The following LARGE1 variants were observed in gnomAD, a reference collection of about 807,000 sequenced individuals.
LARGE1 encodes the protein xylosyl- and glucuronyltransferase LARGE1.
A neutral mutation model predicts 87.6 loss-of-function variants in LARGE1; 43 were observed. That is an observed-to-expected ratio of 0.49 (90% CI 0.38 to 0.63). The LOEUF is 0.63. Ranked by LOEUF, LARGE1 falls within the 30% of genes least tolerant of loss-of-function variation. LARGE1 has a pLI of 0.00. For synonymous variants in LARGE1, 434 were observed against 394.6 expected, an observed-to-expected ratio of 1.10 and a Z score of -1.18; for missense variants, 802 against 1,000.2, an observed-to-expected ratio of 0.80 and a Z score of 2.67.
At chr22:33,722,847 C>G (rs540451824) in intron 2 of LARGE1, among the ~76,000 whole-genome samples, 1 of 152,132 alleles carries the variant, frequency 6.6e-6, no homozygotes, top group Admixed American at 6.5e-5. Flanking sequence ...AGGGAACCAT[C>G]GAGGCCGCAG....
chr22:33,357,237 G>A (rs1469862465), intron 9 of LARGE1, among the ~76,000 whole-genome samples: 1 of 152,120 alleles, frequency 6.6e-6, no homozygotes, highest in East Asian at 1.9e-4. Flanking sequence ...TATTTTAAGT[G>A]AAATACTCAG....
chr22:33,312,138 C>G (rs983800816), intron 11 of LARGE1, among the ~76,000 whole-genome samples: 1 of 152,178 alleles, frequency 6.6e-6, no homozygotes. Flanking sequence ...GATAATGATA[C>G]AGTTACCACT....
chr22:33,368,517 G>A (rs1239472972), intron 9 of LARGE1, among the ~76,000 whole-genome samples: 2 of 121,842 alleles, frequency 1.6e-5, no homozygotes, highest in African/African-American at 2.8e-5. Flanking sequence ...CTGGGCAACA[G>A]AGCAAGACTC....
intron 1 of LARGE1, among the ~76,000 whole-genome samples, chr22:33,917,861 T>C (rs1177725693): frequency 1.3e-5 from 2 of 152,012 alleles, no homozygotes; most frequent in South Asian, 2.1e-4. Flanking sequence ...ACCCTCAAGA[T>C]AAACCACAGT....
At chr22:33,475,864 G>A (rs944671013) in intron 6 of LARGE1, among the ~76,000 whole-genome samples, 2 of 152,100 alleles carry the variant, frequency 1.3e-5, no homozygotes, top group Non-Finnish European at 2.9e-5. Flanking sequence ...ACCATCCAGA[G>A]CCCCTAATTT....
chr22:33,328,227 G>T (rs1245399760), intron 10 of LARGE1, among the ~76,000 whole-genome samples: 2 of 152,108 alleles, frequency 1.3e-5, no homozygotes, highest in African/African-American at 4.8e-5. Flanking sequence ...GCTTGATACC[G>T]GCTTCAGCCC....
rs77853050 is a variant in LARGE1, at chr22:33,213,973, C to T, written c.1731-47141G>A. Among the ~76,000 whole-genome samples, 1,277 of 152,304 alleles carry T rather than the reference C, an allele frequency of 8.4e-3. 7 individuals carry two copies. Among genetic ancestry groups the T allele is most frequent in the Middle Eastern group, 0.017 (5 of 294 alleles). ...CCTCCTGAGCAACTGGGACTACAGC[C>T]GCCCGCCAGCACGCCTGGCTAATTT... On this transcript the variant is annotated intron_variant, in intron 11 of 11. Transcript: ENST00000608642.
chr22:33,080,994 C>CATCT, the LARGE1 span, among the ~76,000 whole-genome samples: 1 of 152,018 alleles, frequency 6.6e-6, no homozygotes, highest in Non-Finnish European at 1.5e-5. Flanking sequence ...TCCATCCATC[C>CATCT]ACTCTTGTAG....
the LARGE1 span, among the ~76,000 whole-genome samples, chr22:33,104,937 T>TTCTA: frequency 8.5e-6 from 1 of 117,350 alleles, no homozygotes; most frequent in South Asian, 2.9e-4. Flanking sequence ...CTTTCTTTCT[T>TTCTA]TCTTTCTTTC....
intron 6 of LARGE1, among the ~76,000 whole-genome samples, chr22:33,550,350 A>G (rs112248147): frequency 0.011 from 1,637 of 152,294 alleles, 24 homozygotes; most frequent in African/African-American, 0.036. Context: ...GGTTCTCAAC[A>G]GGGAAAGACA....
the LARGE1 span, among the ~76,000 whole-genome samples, chr22:33,149,931 T>G: frequency 6.6e-6 from 1 of 152,238 alleles, no homozygotes; most frequent in African/African-American, 2.4e-5. Context: ...TTCTACGTAA[T>G]TATTTTTTAT....
intron 2 of LARGE1, among the ~76,000 whole-genome samples, chr22:33,729,580 C>A (rs376901917): frequency 1.3e-5 from 2 of 152,172 alleles, no homozygotes; most frequent in Non-Finnish European, 2.9e-5. Context: ...TCAAAGTAGC[C>A]ACATTAGGAG....
chr22:33,198,636 GACACACACACACACACACACAC>G (rs71187250), intron 11 of LARGE1, among the ~76,000 whole-genome samples: 1 of 137,756 alleles, frequency 7.3e-6, no homozygotes, highest in Non-Finnish European at 1.5e-5. Flanking sequence ...TATACACCGT[GACACACACACACACACACACAC>G]ACACACACAC....
At chr22:33,128,333 AAAG>A in the LARGE1 span, among the ~76,000 whole-genome samples, 1 of 152,214 alleles carries the variant, frequency 6.6e-6, no homozygotes, top group Non-Finnish European at 1.5e-5. Context: ...TCACAATAAC[AAAG>A]ACATAGAATC....
intron 1 of LARGE1, among the ~76,000 whole-genome samples, chr22:33,788,710 C>T (rs1236807521): frequency 6.6e-6 from 1 of 152,050 alleles, no homozygotes; most frequent in Non-Finnish European, 1.5e-5. Context: ...ACATTTTGCC[C>T]CTGCCCTAGA....
the LARGE1 span, among the ~76,000 whole-genome samples, chr22:33,118,833 T>G: frequency 1.6e-4 from 25 of 152,236 alleles, no homozygotes; most frequent in Admixed American, 1.4e-3. Context: ...AAGGTTTCAG[T>G]AAGACTAAGT....
intron 9 of LARGE1, among the ~76,000 whole-genome samples, chr22:33,356,077 CT>C (rs1940866104): frequency 6.6e-6 from 1 of 152,258 alleles, no homozygotes; most frequent in East Asian, 1.9e-4. Context: ...ATTAACAGCT[CT>C]TAGAACTGTT....
intron 2 of LARGE1, among the ~76,000 whole-genome samples, chr22:33,729,609 C>T (rs535925530): frequency 1.3e-5 from 2 of 152,216 alleles, no homozygotes; most frequent in Non-Finnish European, 2.9e-5. Flanking sequence ...TTTACTTCCA[C>T]TGAAAATGCC....
chr22:33,891,482 G>A (rs944540785), intron 1 of LARGE1, among the ~76,000 whole-genome samples: 1 of 151,094 alleles, frequency 6.6e-6, no homozygotes, highest in Non-Finnish European at 1.5e-5. Context: ...ATTCTATTAG[G>A]AGAGACAGGT....
Sources: allele counts gnomAD v4.1 joint callset (sites outside exome capture counted in the v4.1 genomes callset), GRCh38; gene constraint gnomAD v4.1.1; transcripts MANE v1.5; gene names NCBI Gene and HGNC (gene_info 2026-07-23, HGNC 2026-07-21).